Variants in CACNA1A observed in about 807,000 individuals in gnomAD.
CACNA1A encodes the protein voltage-dependent P/Q-type calcium channel subunit alpha-1A.
A neutral mutation model predicts 262.4 loss-of-function variants in CACNA1A; 57 were observed. The observed-to-expected ratio is 0.22, with a 90% confidence interval of 0.18 to 0.27. The LOEUF (loss-of-function observed/expected upper bound fraction) is 0.27. CACNA1A is among the 10% of genes least tolerant of loss of function. The probability of loss-of-function intolerance (pLI) is 1.00; values close to 1 mark genes in which losing one functional copy is unlikely to be tolerated. For missense variants in CACNA1A, 2,526 were observed against 3,562.8 expected (o/e 0.71, Z 7.41); for synonymous variants, 1,431 against 1,419.3 (o/e 1.01, Z -0.18).
intron 9 of CACNA1A, among the ~76,000 whole-genome samples, chr19:13,332,338 TG>T (rs1318851061): frequency 6.6e-6 from 1 of 151,956 alleles, no homozygotes; most frequent in African/African-American, 2.4e-5. Context: ...AGCCAGAGGT[TG>T]CAGTGAGGTG....
chr19:13,465,270 C>G (rs2061213365), intron 1 of CACNA1A, among the ~76,000 whole-genome samples: 1 of 152,082 alleles, frequency 6.6e-6, no homozygotes, highest in Non-Finnish European at 1.5e-5. Flanking sequence ...AGGGACAATA[C>G]CTACCGTCAT....
At chr19:13,469,720 A>G (rs892440235) in intron 1 of CACNA1A, among the ~76,000 whole-genome samples, 8 of 150,520 alleles carry the variant, frequency 5.3e-5, no homozygotes, top group African/African-American at 2.0e-4. Flanking sequence ...CGGCTCCCCA[A>G]AGTGCTGCGA....
At chr19:13,380,804 C>T (rs1342616541) in intron 3 of CACNA1A, among the ~76,000 whole-genome samples, 1 of 150,032 alleles carries the variant, frequency 6.7e-6, no homozygotes, top group Non-Finnish European at 1.5e-5. Flanking sequence ...GAGACAGGGT[C>T]TCCCTGTTGT....
intron 3 of CACNA1A, among the ~76,000 whole-genome samples, chr19:13,415,543 C>T (rs2060204921): frequency 6.6e-6 from 1 of 151,596 alleles, no homozygotes; most frequent in African/African-American, 2.4e-5. Context: ...GAGTTTGAGA[C>T]CAGCCTGGCC....
intron 3 of CACNA1A, among the ~76,000 whole-genome samples, chr19:13,433,326 T>C (rs2144841305): frequency 6.7e-6 from 1 of 149,144 alleles, no homozygotes; most frequent in African/African-American, 2.5e-5. Context: ...CCAGGCATCA[T>C]GGCGTGTGCC....
intron 38 of CACNA1A, among the ~76,000 whole-genome samples, chr19:13,215,811 C>G (rs962854650): frequency 6.6e-6 from 1 of 152,112 alleles, no homozygotes; most frequent in East Asian, 1.9e-4. Context: ...ATCAAAGTAA[C>G]GTGCGTGCAG....
rs114897897 is a variant in CACNA1A, at chr19:13,505,679, G to A, written c.293+253C>T. 6.2e-3 allele frequency among the ~76,000 whole-genome samples: 946 copies of A among 151,790 alleles called. 10 individuals carry two copies. The highest frequency in any genetic ancestry group is 0.021 in the African/African-American group (877 of 41,424). ...ATCTCATTCTAGAGTCGGTCCTTGG[G>A]AAGGATCCACTCTCCGCTGCCCACC... On this transcript the variant is annotated intron_variant, in intron 1 of 46. Coordinates refer to ENST00000360228, the MANE Select transcript of CACNA1A (RefSeq NM_001127222.2).
chr19:13,442,847 C>T (rs941579165), intron 3 of CACNA1A, among the ~76,000 whole-genome samples: 1 of 152,178 alleles, frequency 6.6e-6, no homozygotes, highest in Non-Finnish European at 1.5e-5. Flanking sequence ...ACCCTGACTT[C>T]CCATGTCAGA....
chr19:13,382,425 C>T (rs1354725382), intron 3 of CACNA1A, among the ~76,000 whole-genome samples: 2 of 152,110 alleles, frequency 1.3e-5, no homozygotes, highest in African/African-American at 2.4e-5. Context: ...CAGCCTCCTC[C>T]CTGGAAGGAT....
intron 17 of CACNA1A, among the ~76,000 whole-genome samples, 171 bp downstream of exon 17, chr19:13,303,375 T>G (rs1568513748): frequency 6.6e-6 from 1 of 152,098 alleles, no homozygotes. Context: ...ACAGTCTGTT[T>G]CTGGGAGTGG....
At chr19:13,455,352 T>G in intron 1 of CACNA1A, 140 bp from the exon 2 acceptor site, 1 of 571,130 alleles carries the variant, frequency 1.8e-6, no homozygotes, top group Non-Finnish European at 3.2e-6. Context: ...TTATTCGTTC[T>G]CCTGTCTGGA....
rs374613316 is a variant in CACNA1A, at chr19:13,245,236, G to A, written c.4896C>T (p.Phe1632=). Residue 1632 remains phenylalanine, a synonymous_variant, in exon 31 of 47, where the codon TTC becomes TTT. Transcript: ENST00000360228. ...LNYFRDAWNI[F]DFVTVLGSIT... ...TGCTGCCCAGAACAGTCACAAAGTC[G>A]AAGATGTTCCAGGCATCGCGGAAAT... 48 of 1,613,812 alleles carry A rather than the reference G, an allele frequency of 3.0e-5. No homozygotes were observed. The highest frequency in any genetic ancestry group is 1.6e-4 in the African/African-American group (12 of 74,936).
intron 3 of CACNA1A, among the ~76,000 whole-genome samples, chr19:13,374,086 T>G (rs1157686329): frequency 6.6e-6 from 1 of 152,022 alleles, no homozygotes; most frequent in Non-Finnish European, 1.5e-5. Context: ...CTTTCCAGGC[T>G]GAGAGTGGCC....
At chr19:13,327,453 G>C (rs779192617) in intron 10 of CACNA1A, among the ~76,000 whole-genome samples, 11 of 150,768 alleles carry the variant, frequency 7.3e-5, no homozygotes, top group Non-Finnish European at 1.2e-4. Context: ...CAGAGGCGGA[G>C]GCTGCAGTGA....
intron 35 of CACNA1A, among the ~76,000 whole-genome samples, chr19:13,231,180 T>TC (rs971673563): frequency 1.5e-4 from 22 of 150,442 alleles, no homozygotes; most frequent in African/African-American, 3.9e-4. Flanking sequence ...TAATTCAATT[T>TC]TTTTTTTTTT....
chr19:13,354,809 T>C (rs143680670), intron 6 of CACNA1A, among the ~76,000 whole-genome samples: 308 of 152,160 alleles, frequency 2.0e-3, no homozygotes, highest in African/African-American at 7.2e-3. Flanking sequence ...ATACAACTGA[T>C]GTCCTTCTAA....
intron 19 of CACNA1A, among the ~76,000 whole-genome samples, chr19:13,297,440 G>A (rs1360728897): frequency 3.9e-5 from 6 of 152,182 alleles, no homozygotes; most frequent in African/African-American, 1.4e-4. Context: ...TTGGGAGACT[G>A]AGGTGGGATG....
intron 30 of CACNA1A, among the ~76,000 whole-genome samples, chr19:13,249,432 T>G (rs1023212221): frequency 5.3e-5 from 8 of 152,146 alleles, no homozygotes; most frequent in African/African-American, 7.2e-5. Flanking sequence ...CACGACTCAC[T>G]GCAGCCCTGA....
chr19:13,212,391 T>A lies in CACNA1A; in HGVS notation c.6182A>T (p.Asn2061Ile). ...PPTDMPNSQP[N>I]SQSVEMREMG... ...GTTGGGGGACAGAGGCACCTGAGAG[T>A]TAGGCTGGCTGTTGGGCATGTCGGT... is the stretch of plus-strand genomic sequence containing the variant. The change falls in exon 42 of 47, where the codon AAC becomes ATC. Residue 2061 changes from asparagine to isoleucine, a missense_variant. Coordinates refer to ENST00000360228, the MANE Select transcript of CACNA1A (RefSeq NM_001127222.2). This position sits in a 1 kb window ranked among gnomAD's most constrained non-coding sequence, Gnocchi z 5.6. The A allele has an allele frequency of 6.2e-7, 1 of 1,613,308 alleles. No individual in the cohort carries two copies. The highest frequency in any genetic ancestry group is 8.5e-7 in the Non-Finnish European group (1 of 1,179,658).
Sources: gnomAD v4.1 joint callset for allele counts (sites outside exome capture counted in the v4.1 genomes callset) on GRCh38, gnomAD v4.1.1 for gene constraint, Gnocchi (gnomAD v3.1) non-coding constraint, MANE v1.5 for transcripts, NCBI Gene and HGNC (gene_info 2026-07-23, HGNC 2026-07-21) for gene names.